Variants in ABCG2 observed in about 807,000 individuals in gnomAD.
ABCG2 encodes ATP binding cassette subfamily G member 2 (JR blood group), also known as broad substrate specificity ATP-binding cassette transporter ABCG2.
Under a neutral mutation model 73.5 loss-of-function variants are expected in ABCG2, and 80 were observed. That is an observed-to-expected ratio of 1.09 (90% confidence interval 0.91 to 1.31). ABCG2 has a LOEUF of 1.31. Among genes scored for constraint, ABCG2 ranks in the 50% most tolerant of loss-of-function variants. The pLI, the probability that ABCG2 is intolerant of heterozygous loss-of-function variation, is 0.00. For synonymous variants in ABCG2, 269 were observed against 282.4 expected, an observed-to-expected ratio of 0.95 and a Z score of 0.48; for missense variants, 796 against 786.2, an observed-to-expected ratio of 1.01 and a Z score of -0.15.
chr4:88,173,056 T>C (rs2110094492), intron 1 of ABCG2, among the ~76,000 whole-genome samples: 1 of 152,308 alleles, frequency 6.6e-6, no homozygotes, highest in East Asian at 1.9e-4. Context: ...ATTAAGTATT[T>C]TTCATTATTA....
intron 1 of ABCG2, among the ~76,000 whole-genome samples, chr4:88,217,973 TAAAAAA>T (rs34088003): frequency 7.2e-6 from 1 of 139,752 alleles, no homozygotes. Context: ...TTCTAAAAAT[TAAAAAA>T]AAAAAAAAAA....
At chr4:88,116,303 G>A (rs1723574609) in intron 7 of ABCG2, among the ~76,000 whole-genome samples, 2 of 152,152 alleles carry the variant, frequency 1.3e-5, no homozygotes, top group African/African-American at 4.8e-5. Context: ...ATAGAACATG[G>A]CCAGCACAGC....
Position 88,158,164 on chromosome 4 carries a change from T to A in ABCG2, c.-20+222A>T, listed in dbSNP as rs907561164. 8.5e-5 allele frequency among the ~76,000 whole-genome samples: 13 copies of A among 152,308 alleles called. No individual in the cohort carries two copies. In the East Asian group the frequency reaches 2.3e-3, roughly 27 times the overall value. On this transcript the variant is annotated intron_variant, in intron 1 of 15. Transcript: ENST00000237612. ...TTACCAACCCACACTTAACACACTA[T>A]GGGACCCAGAATCAGTTTGCACCAG...
At chr4:88,208,979 G>A (rs535196401) in intron 1 of ABCG2, among the ~76,000 whole-genome samples, 1 of 151,826 alleles carries the variant, frequency 6.6e-6, no homozygotes, top group East Asian at 1.9e-4. Context: ...TCCAGCCTGG[G>A]TGACAGAGCG....
intron 1 of ABCG2, among the ~76,000 whole-genome samples, chr4:88,149,899 G>A (rs1726334159): frequency 6.6e-6 from 1 of 152,044 alleles, no homozygotes; most frequent in African/African-American, 2.4e-5. Context: ...CTATTATCTG[G>A]CAGGCACTGG....
intron 13 of ABCG2, 60 bp downstream of exon 13, chr4:88,097,393 G>A: frequency 6.3e-7 from 1 of 1,582,096 alleles, no homozygotes; most frequent in Non-Finnish European, 8.6e-7. Flanking sequence ...AAGTGAATGT[G>A]CAGGAAGAAA....
At chr4:88,097,371 GT>G in intron 13 of ABCG2, 81 bp downstream of exon 13, 1 of 1,525,268 alleles carries the variant, frequency 6.6e-7, no homozygotes, top group South Asian at 1.3e-5. Flanking sequence ...CTCAAAACAG[GT>G]TTTACATGAC....
In ABCG2 at chr4:88,180,636, T is replaced by C. The variant is rs530669831; in HGVS notation, c.-19-40622A>G. ...GGTGGTGTGCACCTGTAGTAGCAGC[T>C]AGCTACTCAGGAGGCTGAGGTGGGG... On this transcript the variant is annotated intron_variant, in intron 1 of 15. Coordinates refer to the ABCG2 transcript ENST00000515655. 2.0e-5 allele frequency among the ~76,000 whole-genome samples: 3 copies of C among 152,232 alleles called. No individual in the cohort carries two copies. In the East Asian group the frequency reaches 5.8e-4, roughly 29 times the overall value.
At chr4:88,226,067 G>A (rs1730200663) in intron 1 of ABCG2, among the ~76,000 whole-genome samples, 1 of 152,120 alleles carries the variant, frequency 6.6e-6, no homozygotes, top group Non-Finnish European at 1.5e-5. Context: ...AAGAGATCTG[G>A]GTGGGGACAC....
chr4:88,101,733 A>G (rs1260781767), intron 10 of ABCG2, among the ~76,000 whole-genome samples: 1 of 151,672 alleles, frequency 6.6e-6, no homozygotes, highest in Non-Finnish European at 1.5e-5. Flanking sequence ...TTGCTCTGCC[A>G]CACAAGGAAC....
At chr4:88,145,803 G>C (rs1319550874) in intron 1 of ABCG2, among the ~76,000 whole-genome samples, 1 of 149,772 alleles carries the variant, frequency 6.7e-6, no homozygotes, top group Non-Finnish European at 1.5e-5. Flanking sequence ...AGCCGGGCGT[G>C]GTGGTGTGCA....
chr4:88,113,483 G>A lies in ABCG2; in HGVS notation c.1014C>T (p.Asn338=), dbSNP rs760821286. 1.3e-5 allele frequency: 21 copies of A among 1,614,136 alleles called. No homozygotes were observed. In the South Asian group the frequency reaches 2.1e-4, roughly 16 times the overall value. ...LIEKLAEIYV[N]SSFYKETKAE... is the part of the protein sequence containing the mutation. ...CTTTTGTCTCTTTGTAGAAGGAGGA[G>A]TTGACATAAATCTCCGCTAATTTTT... Residue 338 remains asparagine (N), a synonymous_variant, in exon 9 of 16, where the codon AAC becomes AAT. Transcript: ENST00000237612.
intron 1 of ABCG2, among the ~76,000 whole-genome samples, chr4:88,171,833 G>A (rs1727767062): frequency 6.6e-6 from 1 of 152,120 alleles, no homozygotes; most frequent in Non-Finnish European, 1.5e-5. Flanking sequence ...TTACAGACCT[G>A]TGGGGCCCAG....
intron 1 of ABCG2, among the ~76,000 whole-genome samples, chr4:88,148,459 T>A (rs1251378539): frequency 6.6e-6 from 1 of 151,976 alleles, no homozygotes. Flanking sequence ...GCAAAGACCA[T>A]CAAAAGGGTG....
At chr4:88,219,745 C>CTTT (rs1384565182) in intron 1 of ABCG2, among the ~76,000 whole-genome samples, 1 of 112,208 alleles carries the variant, frequency 8.9e-6, no homozygotes, top group African/African-American at 3.2e-5. Context: ...CCACGCCTGG[C>CTTT]TATTTTTTTT....
At chr4:88,151,121 T>A (rs941928473) in intron 1 of ABCG2, among the ~76,000 whole-genome samples, 4 of 152,230 alleles carry the variant, frequency 2.6e-5, no homozygotes, top group Non-Finnish European at 5.9e-5. Context: ...TGACTGGGGC[T>A]AGAAGACATA....
chr4:88,138,397 TG>T (rs1725395287), intron 2 of ABCG2, among the ~76,000 whole-genome samples: 4 of 152,218 alleles, frequency 2.6e-5, no homozygotes. Context: ...ATGGTCAGAC[TG>T]TTTTTATCTT....
chr4:88,102,946 G>C (rs534985527), intron 10 of ABCG2, among the ~76,000 whole-genome samples: 1 of 152,234 alleles, frequency 6.6e-6, no homozygotes, highest in South Asian at 2.1e-4. Flanking sequence ...GCTGCCCTCG[G>C]TCACCCAGGC....
rs1578180102 is a variant in ABCG2 at position 88,106,765 on chromosome 4, G to A, written c.1277+419C>T. On this transcript the variant is annotated intron_variant, in intron 10 of 15. Transcript: ENST00000237612. ...GTACATTTAAAAATAATTGGGCCAG[G>A]TGGAGTGGCTCACGCCTGTAATCCC... Among the ~76,000 whole-genome samples the A allele has an allele frequency of 2.0e-5, 3 of 152,208 alleles. No homozygotes were observed. In the East Asian group the frequency reaches 5.8e-4, roughly 29 times the overall value.
Sources: gnomAD v4.1 joint callset for allele counts (sites outside exome capture counted in the v4.1 genomes callset) on GRCh38, gnomAD v4.1.1 for gene constraint, MANE v1.5 for transcripts, NCBI Gene and HGNC (gene_info 2026-07-23, HGNC 2026-07-21) for gene names.